Variants in MRPL1 observed in about 807,000 individuals in gnomAD.
MRPL1 encodes large ribosomal subunit protein uL1m.
Under a neutral mutation model 38.0 loss-of-function variants are expected in MRPL1, and 28 were observed. The observed-to-expected ratio is 0.74, with a 90% CI of 0.55 to 1.01. MRPL1 has a LOEUF of 1.01. MRPL1 is among the 50% of genes least tolerant of loss of function. MRPL1 has a pLI of 0.00. For synonymous variants in MRPL1, 123 were observed against 126.7 expected (o/e 0.97, Z 0.20); for missense variants, 358 against 389.8 (o/e 0.92, Z 0.69).
At chr4:77,944,686 A>G (rs1454478514) in intron 7 of MRPL1, among the ~76,000 whole-genome samples, 1 of 152,194 alleles carries the variant, frequency 6.6e-6, no homozygotes, top group Non-Finnish European at 1.5e-5. Flanking sequence ...GGAAGGCACT[A>G]AAGGATTCAT....
At chr4:77,886,773 A>G (rs1379656571) in intron 4 of MRPL1, among the ~76,000 whole-genome samples, 1 of 144,152 alleles carries the variant, frequency 6.9e-6, no homozygotes, top group Non-Finnish European at 1.5e-5. Flanking sequence ...GGCTCACTGC[A>G]CCTGGTTTGC....
At chr4:77,892,766 G>A (rs1735834629) in intron 5 of MRPL1, among the ~76,000 whole-genome samples, 1 of 152,170 alleles carries the variant, frequency 6.6e-6, no homozygotes, top group Admixed American at 6.5e-5. Flanking sequence ...GACCCACACT[G>A]CCTGTTTTTC....
intron 2 of MRPL1, among the ~76,000 whole-genome samples, chr4:77,879,779 G>T (rs1717259707): frequency 6.6e-6 from 1 of 152,150 alleles, no homozygotes; most frequent in Non-Finnish European, 1.5e-5. Flanking sequence ...TACTTCCACG[G>T]TAGCTGTTGA....
chr4:77,909,341 G>A lies in MRPL1; in HGVS notation c.746G>A (p.Arg249Lys). ...NGHEIKVDEE[R>K]ENFLQTKIAT... Reference sequence around the variant, plus strand: ...CATGAAATTAAGGTAGATGAAGAAAGGGAGAACTTTCTCCAGACCAAAATA... The same window carrying A: ...CATGAAATTAAGGTAGATGAAGAAAAGGAGAACTTTCTCCAGACCAAAATA... The change falls in exon 7 of 9, where the codon AGG becomes AAG. Residue 249 changes from arginine to lysine, a missense_variant. Coordinates refer to ENST00000315567, the MANE Select transcript of MRPL1 (RefSeq NM_020236.4). 1 of 1,607,956 alleles carries A rather than the reference G, an allele frequency of 6.2e-7. No individual in the cohort carries two copies. The highest frequency in any genetic ancestry group is 8.5e-7 in the Non-Finnish European group (1 of 1,177,108).
chr4:77,882,199 C>G (rs764843613), intron 2 of MRPL1, among the ~76,000 whole-genome samples: 17 of 152,204 alleles, frequency 1.1e-4, no homozygotes, highest in Admixed American at 2.0e-4. Flanking sequence ...CAACTCTGCT[C>G]TAGTCATGTA....
At chr4:77,914,502 A>G (rs535506301) in intron 7 of MRPL1, among the ~76,000 whole-genome samples, 2 of 152,334 alleles carry the variant, frequency 1.3e-5, no homozygotes, top group Admixed American at 1.3e-4. Context: ...CAGTATGTCA[A>G]GTTTTAGAAA....
intron 2 of MRPL1, among the ~76,000 whole-genome samples, chr4:77,877,590 T>A (rs77588170): frequency 1.1e-5 from 1 of 88,388 alleles, no homozygotes; most frequent in Non-Finnish European, 2.2e-5. Flanking sequence ...TTGGGAGGGA[T>A]TTTTTTTTTT....
In MRPL1 at chr4:77,863,461, A is replaced by ATTTTTTTTTTTTTTTT. The variant is rs969402527; in HGVS notation, c.31+588_31+603dup. ...GATGACAGCCCTTTCTTGTGCAACA[A>ATTTTTTTTTTTTTTTT]TTTTTTTTTTTTTTTTTTTTTGAGA... On this transcript the variant is annotated intron_variant, in intron 1 of 8. Transcript: ENST00000315567. Among the ~76,000 whole-genome samples, 17 of 112,662 alleles carry ATTTTTTTTTTTTTTTT rather than the reference A, an allele frequency of 1.5e-4. 1 individual carries two copies. The highest frequency in any genetic ancestry group is 4.6e-4 in the African/African-American group (12 of 26,134). 73.9% of individuals were successfully genotyped at this position (112,662 alleles called of 152,430 possible).
intron 5 of MRPL1, among the ~76,000 whole-genome samples, chr4:77,893,389 T>C (rs1353145599): frequency 2.0e-5 from 3 of 152,226 alleles, no homozygotes; most frequent in African/African-American, 7.2e-5. Flanking sequence ...AGTGCTGGGA[T>C]TACAGGTGTG....
At chr4:77,911,784 CCAGA>C (rs1736294795) in intron 7 of MRPL1, among the ~76,000 whole-genome samples, 1 of 152,050 alleles carries the variant, frequency 6.6e-6, no homozygotes, top group African/African-American at 2.4e-5. Flanking sequence ...GATACCAAAA[CCAGA>C]CAAAGAAAAC....
intron 1 of MRPL1, chr4:77,863,105 A>C: frequency 1.7e-6 from 1 of 581,932 alleles, no homozygotes; most frequent in East Asian, 3.0e-5. Context: ...AGCGGGACGT[A>C]CATCGAGCGC....
chr4:77,915,156 C>T (rs538724018), intron 7 of MRPL1, among the ~76,000 whole-genome samples: 72 of 152,218 alleles, frequency 4.7e-4, no homozygotes, highest in Admixed American at 7.2e-4. Context: ...TTCTGTGTTA[C>T]GATTCTGCAT....
chr4:77,909,251 A>G lies in MRPL1; in HGVS notation c.671-15A>G, dbSNP rs762080796. Reference sequence around the variant, plus strand: ...ATTTGGAGTGATAATTGTGGATTTTACTTTTTCTAACTAGATTCCATTGGC... The same window carrying G: ...ATTTGGAGTGATAATTGTGGATTTTGCTTTTTCTAACTAGATTCCATTGGC... On this transcript the variant is annotated splice_polypyrimidine_tract_variant and intron_variant, in intron 6 of 8. Transcript: ENST00000315567. 1 of 1,496,096 alleles carries G rather than the reference A, an allele frequency of 6.7e-7. No individual in the cohort carries two copies. The allele number at this position is 1,496,096 out of a possible 1,614,324, so 92.7% of individuals were successfully genotyped here. A position where few individuals can be genotyped will look rare whatever the true frequency, so the allele number is the denominator to read the frequency against.
chr4:77,906,249 C>G (rs1438589058), intron 6 of MRPL1, among the ~76,000 whole-genome samples: 1 of 152,174 alleles, frequency 6.6e-6, no homozygotes, highest in Non-Finnish European at 1.5e-5. Flanking sequence ...ACATTGTGAA[C>G]TCCTGCTGAT....
chr4:77,911,237 C>T (rs1372191853), intron 7 of MRPL1, among the ~76,000 whole-genome samples: 1 of 152,052 alleles, frequency 6.6e-6, no homozygotes, highest in Non-Finnish European at 1.5e-5. Context: ...TTATAAGGCT[C>T]TTTTTAGCTG....
intron 7 of MRPL1, among the ~76,000 whole-genome samples, chr4:77,946,968 A>G (rs1308195287): frequency 6.6e-6 from 1 of 151,370 alleles, no homozygotes; most frequent in Non-Finnish European, 1.5e-5. Context: ...TTGTGATTAT[A>G]TTTTGCCCTG....
intron 7 of MRPL1, among the ~76,000 whole-genome samples, chr4:77,931,204 G>A (rs569818143): frequency 2.0e-5 from 3 of 152,324 alleles, no homozygotes; most frequent in Non-Finnish European, 4.4e-5. Flanking sequence ...AGAAAAGAAC[G>A]TGAACACGAA....
At chr4:77,923,079 T>G (rs1370920357) in intron 7 of MRPL1, among the ~76,000 whole-genome samples, 3 of 152,314 alleles carry the variant, frequency 2.0e-5, no homozygotes, top group African/African-American at 7.2e-5. Context: ...GCAGAGGAGC[T>G]GATATTTTTG....
rs113827174 is a variant in MRPL1 at position 77,939,382 on chromosome 4, A to T, written c.778-10415A>T. Among the ~76,000 whole-genome samples the T allele has an allele frequency of 2.0e-3, 307 of 151,356 alleles. 1 individual carries two copies. Among genetic ancestry groups the T allele is most frequent in the Middle Eastern group, 0.014 (4 of 292 alleles). On this transcript the variant is annotated intron_variant, in intron 7 of 8. Coordinates refer to ENST00000315567, the MANE Select transcript of MRPL1 (RefSeq NM_020236.4). ...TGTCCTTAGCCTTCTTTTTGATGGG[A>T]TTGCTTGTTTTTTTTCTTCCCGATT... is the stretch of plus-strand genomic sequence containing the variant.
Sources: gnomAD v4.1 joint callset for allele counts (sites outside exome capture counted in the v4.1 genomes callset) on GRCh38, gnomAD v4.1.1 for gene constraint, MANE v1.5 for transcripts, NCBI Gene and HGNC (gene_info 2026-07-23, HGNC 2026-07-21) for gene names.